GRIK2: variants seen among roughly 807,000 people sequenced by gnomAD.
GRIK2 encodes glutamate ionotropic receptor kainate type subunit 2.
A neutral mutation model predicts 100.3 loss-of-function variants in GRIK2; 32 were observed. That is an observed-to-expected ratio of 0.32 (90% confidence interval 0.24 to 0.43). The LOEUF (loss-of-function observed/expected upper bound fraction) is 0.43, where lower values mean the gene tolerates loss of function less well. Ranked by LOEUF, GRIK2 falls within the 20% of genes least tolerant of loss-of-function variation. GRIK2 has a pLI of 1.00. For missense variants in GRIK2, 843 were observed against 1,114.9 expected (o/e 0.76, Z 3.47); for synonymous variants, 417 against 389.4 (o/e 1.07, Z -0.83).
intron 7 of GRIK2, among the ~76,000 whole-genome samples, chr6:101,754,991 CT>C (rs909056455): frequency 7.0e-4 from 107 of 152,208 alleles, no homozygotes; most frequent in African/African-American, 2.4e-3. Context: ...TGTAGGCACT[CT>C]TGAAGCCTTT....
chr6:101,912,118 C>T (rs866601212), intron 12 of GRIK2, among the ~76,000 whole-genome samples: 7 of 128,942 alleles, frequency 5.4e-5, no homozygotes, highest in South Asian at 5.0e-4. Context: ...ACACAGAGAC[C>T]GAGAGAGAGA....
chr6:101,691,370 T>C (rs1772084228), intron 7 of GRIK2, among the ~76,000 whole-genome samples: 1 of 151,424 alleles, frequency 6.6e-6, no homozygotes, highest in Non-Finnish European at 1.5e-5. Context: ...CAGTCTCTGC[T>C]CACTGCAACC....
intron 14 of GRIK2, among the ~76,000 whole-genome samples, chr6:101,988,741 A>G (rs1794190864): frequency 6.6e-6 from 1 of 151,934 alleles, no homozygotes; most frequent in Non-Finnish European, 1.5e-5. Flanking sequence ...TGATCTAAAG[A>G]GAAATTTAAT....
chr6:101,714,990 A>G (rs1193322872), intron 7 of GRIK2, among the ~76,000 whole-genome samples: 1 of 151,724 alleles, frequency 6.6e-6, no homozygotes, highest in Non-Finnish European at 1.5e-5. Flanking sequence ...TAGCTTCAAT[A>G]TTAACTCTAA....
chr6:101,819,539 C>G (rs1053153183), intron 10 of GRIK2, among the ~76,000 whole-genome samples: 2 of 152,108 alleles, frequency 1.3e-5, no homozygotes, highest in African/African-American at 4.8e-5. Context: ...GATACTCGCT[C>G]TCTCTGTCAC....
At chr6:102,043,514 C>G (rs896970768) in intron 15 of GRIK2, among the ~76,000 whole-genome samples, 3 of 151,848 alleles carry the variant, frequency 2.0e-5, no homozygotes, top group African/African-American at 7.2e-5. Context: ...TGATATCCGT[C>G]TTTTTGTGCC....
intron 2 of GRIK2, among the ~76,000 whole-genome samples, chr6:101,521,916 A>T (rs918236483): frequency 1.1e-4 from 17 of 152,104 alleles, no homozygotes; most frequent in African/African-American, 4.1e-4. Context: ...TTAGTTTATT[A>T]TCTAAACAGT....
intron 7 of GRIK2, among the ~76,000 whole-genome samples, chr6:101,714,492 C>A (rs1034232423): frequency 6.6e-6 from 1 of 151,740 alleles, no homozygotes; most frequent in Middle Eastern, 3.4e-3. Flanking sequence ...ATGTTGTATT[C>A]CAGATAAATT....
intron 10 of GRIK2, among the ~76,000 whole-genome samples, chr6:101,856,049 C>CA (rs1350654871): frequency 6.6e-6 from 1 of 152,128 alleles, no homozygotes; most frequent in Non-Finnish European, 1.5e-5. Context: ...TGAAGCCTTT[C>CA]ACCAAGATGA....
chr6:101,857,055 G>A (rs974360818), intron 10 of GRIK2, among the ~76,000 whole-genome samples: 2 of 152,158 alleles, frequency 1.3e-5, no homozygotes, highest in African/African-American at 4.8e-5. Context: ...TGTAGAGAGA[G>A]AGAGCCTGGT....
chr6:101,685,730 C>T (rs141156802), intron 6 of GRIK2, among the ~76,000 whole-genome samples: 134 of 151,960 alleles, frequency 8.8e-4, no homozygotes, highest in African/African-American at 3.2e-3. Flanking sequence ...TAGTTAGAAG[C>T]TGTATTTTGT....
chr6:101,667,620 T>G (rs1019917073), intron 4 of GRIK2, among the ~76,000 whole-genome samples: 4 of 152,126 alleles, frequency 2.6e-5, no homozygotes, highest in African/African-American at 9.7e-5. Flanking sequence ...TGTATCATGG[T>G]TCAAGGTTAT....
At chr6:101,436,987 GA>G (rs1582449236) in intron 2 of GRIK2, among the ~76,000 whole-genome samples, 1 of 150,568 alleles carries the variant, frequency 6.6e-6, no homozygotes, top group East Asian at 1.9e-4. Context: ...TGTATTGCAT[GA>G]ATTTTAAAAA....
intron 4 of GRIK2, among the ~76,000 whole-genome samples, chr6:101,669,556 A>G (rs1254089562): frequency 1.3e-5 from 2 of 152,142 alleles, no homozygotes; most frequent in Non-Finnish European, 2.9e-5. Flanking sequence ...TGCAATTGGC[A>G]TTTTTAGAAC....
chr6:101,902,856 A>C (rs2128462219), intron 12 of GRIK2, among the ~76,000 whole-genome samples: 1 of 151,988 alleles, frequency 6.6e-6, no homozygotes, highest in Admixed American at 6.6e-5. Context: ...GTATTAGAAG[A>C]AATAGGTTCC....
Position 101,991,252 on chromosome 6 carries a change from A to AT in GRIK2, c.2086-44082dup, listed in dbSNP as rs548724312. On this transcript the variant is annotated intron_variant, in intron 14 of 16. Transcript: ENST00000369134. ...ATGATAAATAGCTTACACATAAATT[A>AT]TTTTTTTCAGCTCTTCATTCCCATT... Among the ~76,000 whole-genome samples, 839 of 150,926 alleles carry AT rather than the reference A, an allele frequency of 5.6e-3. 7 individuals are homozygous for AT. Among genetic ancestry groups the AT allele is most frequent in the Non-Finnish European group, 9.6e-3 (646 of 67,274 alleles).
chr6:101,858,335 A>G (rs951535699), intron 10 of GRIK2, among the ~76,000 whole-genome samples: 4 of 151,596 alleles, frequency 2.6e-5, no homozygotes, highest in African/African-American at 9.7e-5. Context: ...ATGAATGCAT[A>G]AGCACTTGAT....
intron 2 of GRIK2, among the ~76,000 whole-genome samples, chr6:101,562,155 C>T (rs1434171224): frequency 1.3e-5 from 2 of 151,890 alleles, no homozygotes; most frequent in African/African-American, 4.8e-5. Flanking sequence ...TCTCTCATGC[C>T]CCTTCCAAGT....
chr6:101,536,167 A>G (rs1363496694), intron 2 of GRIK2, among the ~76,000 whole-genome samples: 2 of 151,642 alleles, frequency 1.3e-5, no homozygotes, highest in Non-Finnish European at 3.0e-5. Context: ...TTGCTTTTGA[A>G]GCCCCACTAT....
Sources: allele counts gnomAD v4.1 joint callset (sites outside exome capture counted in the v4.1 genomes callset), GRCh38; gene constraint gnomAD v4.1.1; transcripts MANE v1.5; gene names NCBI Gene and HGNC (gene_info 2026-07-23, HGNC 2026-07-21).